ZNF728: variants seen among roughly 807,000 people sequenced by gnomAD.
ZNF728 encodes zinc finger protein 728.
A neutral mutation model predicts 12.5 loss-of-function variants in ZNF728; 12 were observed. The observed-to-expected ratio is 0.96, with a 90% CI of 0.61 to 1.55. The LOEUF is 1.55. Ranked by LOEUF, ZNF728 falls within the 40% of genes most tolerant of loss-of-function variation. The pLI is 0.00. For synonymous variants in ZNF728, 205 were observed against 240.7 expected, an observed-to-expected ratio of 0.85 and a Z score of 1.37; for missense variants, 692 against 719.2, an observed-to-expected ratio of 0.96 and a Z score of 0.43.
In ZNF728 at chr19:22,976,220, A is replaced by T. The variant is rs1359130529; in HGVS notation, c.1117T>A (p.Cys373Ser). 2 of 1,613,460 alleles carry T rather than the reference A, an allele frequency of 1.2e-6. No homozygotes were observed. The highest frequency in any genetic ancestry group is 1.7e-6 in the Non-Finnish European group (2 of 1,179,846). The part of the protein sequence containing the change: ...TGEKPYKCEE[C>S]GKAFSWPSSL... ...GAGGGCCAGCTGAAGGCTTTGCCAC[A>T]TTCTTCACATTTGTAGGGTTTCTCT... Residue 373 changes from cysteine to serine, a missense_variant, in exon 4 of 4, where the codon TGT becomes AGT. By Grantham distance (112) the Cys-to-Ser change is moderately radical. Transcript: ENST00000594710.
chr19:22,998,640 C>T (rs191190023), intron 1 of ZNF728, among the ~76,000 whole-genome samples: 3 of 152,252 alleles, frequency 2.0e-5, no homozygotes, highest in Non-Finnish European at 4.4e-5. Context: ...CAGAACTCAG[C>T]AGAACACTGT....
At chr19:22,978,736 A>G (rs1430397284) in intron 3 of ZNF728, among the ~76,000 whole-genome samples, 2 of 152,224 alleles carry the variant, frequency 1.3e-5, no homozygotes, top group Admixed American at 6.5e-5. Flanking sequence ...GTGGACCTCC[A>G]GCAAGCTCCA....
chr19:22,976,672 T>C lies in ZNF728; in HGVS notation c.665A>G (p.His222Arg), dbSNP rs1203950572. The C allele has an allele frequency of 3.1e-6, 5 of 1,613,106 alleles. No homozygotes were observed. Among genetic ancestry groups the C allele is most frequent in the African/African-American group, 2.7e-5 (2 of 74,952 alleles). ...WSSALTYKRI[H>R]TGEKPCKCEE... is the part of the protein sequence containing the mutation. ...ACATTTGCAGGGTTTCTCTCCAGTA[T>C]GAATTCTCTTATAAGTAAGGGCTGA... is the stretch of plus-strand genomic sequence containing the variant. Residue 222 changes from histidine to arginine, a missense_variant, in exon 4 of 4, where the codon CAT becomes CGT. His to Arg is a conservative substitution (Grantham distance 29). Coordinates refer to ENST00000594710, the MANE Select transcript of ZNF728 (RefSeq NM_001267716.2).
rs573838810 is a variant in ZNF728, at chr19:22,996,653, A to G, written c.3+6375T>C. ...CTTTTGCCAAGACAAAAAGAAAGCA[A>G]TGAATCTCAGGTCCCAGATAAAGAC... On this transcript the variant is annotated intron_variant, in intron 1 of 3. Transcript: ENST00000594710. 5.9e-5 allele frequency among the ~76,000 whole-genome samples: 9 copies of G among 152,352 alleles called. No homozygotes were observed. The South Asian group carries it at 1.9e-3, about 32-fold the overall frequency.
chr19:22,987,197 T>C, intron 3 of ZNF728, 111 bp downstream of exon 3: 1 of 996,112 alleles, frequency 1.0e-6, no homozygotes, highest in Non-Finnish European at 1.4e-6. Context: ...AAAATTAGGC[T>C]TTCCAGAAAC....
At chr19:22,987,429 G>A (rs748860395) in intron 2 of ZNF728, 26 bp from the exon 3 acceptor site, 1 of 1,576,398 alleles carries the variant, frequency 6.3e-7, no homozygotes, top group South Asian at 1.2e-5. Flanking sequence ...TGAGTAACAT[G>A]CATCTTGCTC....
At chr19:23,000,865 C>CAA (rs879559395) in intron 1 of ZNF728, among the ~76,000 whole-genome samples, 32 of 32,480 alleles carry the variant, frequency 9.9e-4, no homozygotes, top group Non-Finnish European at 1.9e-3. Context: ...AAAACACTGT[C>CAA]AAAAAAAAAA....
chr19:22,991,666 C>G (rs1415766916), intron 1 of ZNF728, among the ~76,000 whole-genome samples: 3 of 152,048 alleles, frequency 2.0e-5, no homozygotes, highest in Non-Finnish European at 4.4e-5. Flanking sequence ...TGTTGAGCAC[C>G]AGCTCTAAAA....
chr19:22,987,847 G>T (rs1387187348), intron 2 of ZNF728, among the ~76,000 whole-genome samples: 1 of 152,198 alleles, frequency 6.6e-6, no homozygotes, highest in Non-Finnish European at 1.5e-5. Context: ...GAGAAATGAT[G>T]TTGGGAGCCG....
intron 3 of ZNF728, among the ~76,000 whole-genome samples, chr19:22,980,668 C>G (rs867552204): frequency 6.6e-6 from 1 of 151,194 alleles, no homozygotes; most frequent in Non-Finnish European, 1.5e-5. Context: ...GAATGGAAAT[C>G]GTAACAGTCT....
Position 22,975,492 on chromosome 19 carries a change from A to T in ZNF728, c.1845T>A (p.Thr615=), listed in dbSNP as rs756863008. The stretch of plus-strand genomic sequence containing the variant: ...TTCACATTTGTAGGGTTTTTCCTCC[A>T]GTATGAATTCTCTTATGAGTAGTAA... ...SHLTTHKRIH[T]GGKTLQM The change falls in exon 4 of 4, where the codon ACT becomes ACA. Residue 615 remains threonine (T), a synonymous_variant. Coordinates refer to ENST00000594710, the MANE Select transcript of ZNF728 (RefSeq NM_001267716.2). 14 of 1,548,796 alleles carry T rather than the reference A, an allele frequency of 9.0e-6. No homozygotes were observed. The highest frequency in any genetic ancestry group is 1.1e-5 in the Non-Finnish European group (13 of 1,151,996).
Position 22,975,952 on chromosome 19 carries a change from C to A in ZNF728, c.1385G>T (p.Ser462Ile). ...YKCEECGKVF[S>I]WSSSLTTHKA... ...ATGTGTAGTAAGGCTTGAGGACCAG[C>A]TGAAGACTTTGCCACATTCTTCACA... Residue 462 changes from serine to isoleucine, a missense_variant, in exon 4 of 4, where the codon AGC (serine) becomes ATC (isoleucine). Physicochemically the swap from Ser to Ile is moderately radical, Grantham distance 142. Around this residue, in one of 3 missense-constraint regions of ZNF728, gnomAD observed 244 missense variants for 235.2 expected, o/e 1.04. Coordinates refer to ENST00000594710, the MANE Select transcript of ZNF728 (RefSeq NM_001267716.2). The A allele has an allele frequency of 6.2e-7, 1 of 1,605,278 alleles. No homozygotes were observed. The highest frequency in any genetic ancestry group is 8.5e-7 in the Non-Finnish European group (1 of 1,174,146).
At chr19:22,992,330 C>A (rs1373505053) in intron 1 of ZNF728, among the ~76,000 whole-genome samples, 3 of 151,400 alleles carry the variant, frequency 2.0e-5, no homozygotes, top group African/African-American at 7.3e-5. Flanking sequence ...GCAGCCTCCG[C>A]TTCCCAGGTT....
chr19:22,976,638 A>G lies in ZNF728; in HGVS notation c.699T>C (p.Cys233=), dbSNP rs764528951. 3.1e-6 allele frequency: 5 copies of G among 1,612,960 alleles called. No homozygotes were observed. In the East Asian group the frequency reaches 6.7e-5, roughly 22 times the overall value. ...TTGAGAACTTACTAAAGGCTTTGCCACATTCTTCACATTTGCAGGGTTTCT... is the reference window on the plus strand; with the variant it reads ...TTGAGAACTTACTAAAGGCTTTGCCGCATTCTTCACATTTGCAGGGTTTCT... ...TGEKPCKCEE[C]GKAFSKFSIL... Residue 233 remains cysteine (C), a synonymous_variant, in exon 4 of 4, where the codon TGT becomes TGC. Coordinates refer to ENST00000594710, the MANE Select transcript of ZNF728 (RefSeq NM_001267716.2).
rs1241098405 is a variant in ZNF728 at position 22,987,361 on chromosome 19, T to C, written c.173A>G (p.Gln58Arg). The C allele has an allele frequency of 5.0e-6, 8 of 1,612,392 alleles. No homozygotes were observed. Among genetic ancestry groups the C allele is most frequent in the Non-Finnish European group, 6.8e-6 (8 of 1,179,244 alleles). The change falls in exon 3 of 4, where the codon CAA (glutamine) becomes CGA (arginine). Residue 58 changes from glutamine (Q) to arginine (R), a missense_variant. Coordinates refer to ENST00000594710, the MANE Select transcript of ZNF728 (RefSeq NM_001267716.2). Reference protein sequence around the residue: ...PKPDLIIFLEQGKEPWNMKRH... With the variant: ...PKPDLIIFLERGKEPWNMKRH... Reference sequence around the variant, plus strand: ...CTTCATATTCCAGGGCTCTTTTCCTTGCTCCAGAAAAATGATCAGGTCTGG... The same window carrying C: ...CTTCATATTCCAGGGCTCTTTTCCTCGCTCCAGAAAAATGATCAGGTCTGG...
At chr19:22,980,524 A>AG (rs1599527313) in intron 3 of ZNF728, among the ~76,000 whole-genome samples, 1 of 152,180 alleles carries the variant, frequency 6.6e-6, no homozygotes, top group East Asian at 1.9e-4. Flanking sequence ...CTCTGGACCA[A>AG]GCAGACCTAA....
chr19:22,980,910 C>T (rs566645489), intron 3 of ZNF728, among the ~76,000 whole-genome samples: 54 of 152,036 alleles, frequency 3.6e-4, no homozygotes, highest in Admixed American at 1.4e-3. Context: ...TAAATGCCCA[C>T]GAGAGAAAGC....
chr19:22,992,428 A>G (rs1422697125), intron 1 of ZNF728, among the ~76,000 whole-genome samples: 3 of 152,020 alleles, frequency 2.0e-5, no homozygotes, highest in Non-Finnish European at 4.4e-5. Flanking sequence ...TTTTTAGTAG[A>G]GACGGGATTT....
At position 22,976,609 on chromosome 19, in the gene ZNF728, A is replaced by G; in HGVS notation, c.728T>C (p.Leu243Pro). 6.2e-7 allele frequency: 1 copy of G among 1,611,100 alleles called. No homozygotes were observed. Among genetic ancestry groups the G allele is most frequent in the African/African-American group, 1.3e-5 (1 of 74,974 alleles). The change falls in exon 4 of 4, where the codon CTT becomes CCT. Residue 243 changes from leucine (L) to proline (P), a missense_variant. Around this residue, in one of 3 missense-constraint regions of ZNF728, gnomAD observed 440 missense variants for 459.6 expected, o/e 0.96. Transcript: ENST00000594710. ...CGKAFSKFSILTKHKVIHTGE... is the reference protein window; with the variant it reads ...CGKAFSKFSIPTKHKVIHTGE... ...AGTATGAATTACCTTATGCTTAGTA[A>G]GGATTGAGAACTTACTAAAGGCTTT...
Sources: allele counts gnomAD v4.1 joint callset (sites outside exome capture counted in the v4.1 genomes callset), GRCh38; gene constraint gnomAD v4.1.1; regional missense constraint gnomAD v4.1.1; transcripts MANE v1.5; gene names NCBI Gene and HGNC (gene_info 2026-07-23, HGNC 2026-07-21).